SUN5: variants seen among roughly 807,000 people sequenced by gnomAD.
SUN5 encodes the protein SUN domain-containing protein 5.
A neutral mutation model predicts 53.7 loss-of-function variants in SUN5; 44 were observed. That is an observed-to-expected ratio of 0.82 (90% CI 0.64 to 1.05). The LOEUF (loss-of-function observed/expected upper bound fraction) is 1.05, where lower values mean the gene tolerates loss of function less well. Ranked by LOEUF, SUN5 falls within the 50% of genes least tolerant of loss-of-function variation. The probability of loss-of-function intolerance (pLI) is 0.00; values close to 1 mark genes in which losing one functional copy is unlikely to be tolerated. For missense variants in SUN5, 433 were observed against 483.8 expected, an observed-to-expected ratio of 0.90 and a Z score of 0.98; for synonymous variants, 166 against 179.8, an observed-to-expected ratio of 0.92 and a Z score of 0.62.
chr20:32,995,867 T>C (rs990528273), intron 7 of SUN5, 140 bp from the exon 8 acceptor site: 2 of 710,092 alleles, frequency 2.8e-6, no homozygotes, highest in Non-Finnish European at 5.0e-6. Context: ...CTGGACCCAT[T>C]CATCAGGTTA....
intron 6 of SUN5, among the ~76,000 whole-genome samples, chr20:32,997,104 G>A (rs769295003): frequency 4.6e-5 from 7 of 152,132 alleles, no homozygotes; most frequent in Admixed American, 6.5e-5. Context: ...TATTTTAGCC[G>A]GACCTTGATG....
intron 6 of SUN5, 33 bp downstream of exon 6, chr20:32,997,605 C>T: frequency 1.2e-6 from 2 of 1,612,742 alleles, no homozygotes; most frequent in Non-Finnish European, 1.7e-6. Flanking sequence ...TGAGACCTGT[C>T]AGCTGTGGGG....
intron 9 of SUN5, 57 bp downstream of exon 9, chr20:32,989,563 T>C (rs1734262707): frequency 2.0e-6 from 3 of 1,497,204 alleles, no homozygotes; most frequent in Admixed American, 1.7e-5. Context: ...ACCCACCCTG[T>C]GTACAGCTTC....
rs1243020255 is a variant in SUN5, at chr20:33,001,534, C to CT, written c.212-257dup. ...TTCTTTCTTTCTTCTTTCTTTCTTT[C>CT]TTTCTTTCTTTCTTTCTTTCTTTCT... On this transcript the variant is annotated intron_variant, in intron 3 of 12. Transcript: ENST00000356173. 2.2e-5 allele frequency among the ~76,000 whole-genome samples: 3 copies of CT among 134,170 alleles called. No homozygotes were observed. In the East Asian group the frequency reaches 6.1e-4, roughly 27 times the overall value. 88.0% of individuals were successfully genotyped at this position (134,170 alleles called of 152,430 possible).
At position 32,985,764 on chromosome 20, in the gene SUN5, T is replaced by TC; in HGVS notation, c.868dup (p.Asp290GlyfsTer88). The TC allele has an allele frequency of 6.2e-7, 1 of 1,614,048 alleles. No homozygotes were observed. The highest frequency in any genetic ancestry group is 1.1e-5 in the South Asian group (1 of 91,074). ...GATGACGAAGTCCTTGGGGGCGGTG[T>TC]CCAGGCTGCCTGACAATGAGATGGT... On this transcript the variant is annotated frameshift_variant, in exon 11 of 13. Transcript: ENST00000356173. LOFTEE classifies it high-confidence loss of function.
Position 32,989,640 on chromosome 20 carries a change from T to A in SUN5, c.593A>T (p.Asp198Val), listed in dbSNP as rs1276448557. ...MIHGDYIEKP[D>V]FALKSIGASI... The stretch of plus-strand genomic sequence containing the variant: ...CCTACCTATAGACTTCAGGGCAAAG[T>A]CTGGCTTTTCGATGTAATCTCCGTG... The change falls in exon 9 of 13, where the codon GAC (aspartate) becomes GTC (valine). Residue 198 changes from aspartate (D) to valine (V), a missense_variant. By Grantham distance (152) the Asp-to-Val change is radical. Transcript: ENST00000356173. The A allele has an allele frequency of 6.2e-7, 1 of 1,614,016 alleles. No individual in the cohort carries two copies. The highest frequency in any genetic ancestry group is 2.2e-5 in the East Asian group (1 of 44,870).
Position 33,001,363 on chromosome 20 carries a change from G to A in SUN5, c.212-85C>T, listed in dbSNP as rs953855359. On this transcript the variant is annotated intron_variant, in intron 3 of 12. Transcript: ENST00000356173. ...GACCTGCTGACCTTTCTGGGGCTGG[G>A]GGAGGCCCTGGAGCTGGGAGACCCT... 8.2e-6 allele frequency: 12 copies of A among 1,471,768 alleles called. No individual in the cohort carries two copies. The African/African-American group carries it at 1.4e-4, about 17-fold the overall frequency. 91.2% of individuals were successfully genotyped at this position (1,471,768 alleles called of 1,614,324 possible). A position where few individuals can be genotyped will look rare whatever the true frequency, so the allele number is the denominator to read the frequency against.
chr20:33,003,940 C>A (rs1990120555), intron 1 of SUN5, among the ~76,000 whole-genome samples: 1 of 152,180 alleles, frequency 6.6e-6, no homozygotes, highest in South Asian at 2.1e-4. Flanking sequence ...TACTTGTTTC[C>A]TTCTTTCATA....
Position 32,985,770 on chromosome 20 carries a change from C to T in SUN5, c.863G>A (p.Ser288Asn). ...GAAGTCCTTGGGGGCGGTGTCCAGG[C>T]TGCCTGACAATGAGATGGTCTTGGG... ...HIPKTISLSG[S>N]LDTAPKDFVI... The change falls in exon 11 of 13, where the codon AGC becomes AAC. Residue 288 changes from serine (S) to asparagine (N), a missense_variant. Physicochemically the swap from Ser to Asn is conservative, Grantham distance 46. Transcript: ENST00000356173. 3 of 1,614,104 alleles carry T rather than the reference C, an allele frequency of 1.9e-6. No individual in the cohort carries two copies. The highest frequency in any genetic ancestry group is 1.1e-5 in the South Asian group (1 of 91,082).
intron 8 of SUN5, among the ~76,000 whole-genome samples, chr20:32,991,109 C>T (rs530366846): frequency 1.3e-5 from 2 of 152,274 alleles, no homozygotes; most frequent in East Asian, 3.9e-4. Flanking sequence ...AAAACTGGGT[C>T]GCCAACCCTA....
chr20:32,996,726 C>T (rs1434642621), intron 6 of SUN5, among the ~76,000 whole-genome samples: 2 of 152,016 alleles, frequency 1.3e-5, no homozygotes, highest in South Asian at 2.1e-4. Context: ...ACCCACCCAC[C>T]CACTCATCTA....
intron 8 of SUN5, 76 bp from the exon 9 acceptor site, chr20:32,989,774 AAC>A (rs1272547488): frequency 7.9e-7 from 1 of 1,269,950 alleles, no homozygotes. Context: ...CACGGGAGGT[AAC>A]AGGGGGCTGC....
chr20:33,003,601 CA>C (rs1167815495), intron 1 of SUN5, among the ~76,000 whole-genome samples: 2 of 152,106 alleles, frequency 1.3e-5, no homozygotes, highest in Non-Finnish European at 2.9e-5. Flanking sequence ...TTTCTTAAGT[CA>C]AAGGTCTTTA....
intron 5 of SUN5, 44 bp from the exon 6 acceptor site, chr20:32,997,731 A>C: frequency 6.2e-7 from 1 of 1,610,696 alleles, no homozygotes; most frequent in Non-Finnish European, 8.5e-7. Flanking sequence ...AACATGCAAG[A>C]TGAAGAGCCT....
Position 32,996,313 on chromosome 20 carries a change from A to C in SUN5, c.425+11T>G, listed in dbSNP as rs369447736. 4.3e-6 allele frequency: 7 copies of C among 1,612,670 alleles called. No homozygotes were observed. Among genetic ancestry groups the C allele is most frequent in the East Asian group, 4.5e-5 (2 of 44,848 alleles). ...AGGTAATAATATGGTTACCCAGAAG[A>C]TTCCTCTTACCTCAAGCTCTGCAGT... On this transcript the variant is annotated intron_variant, in intron 7 of 12. Coordinates refer to ENST00000356173, the MANE Select transcript of SUN5 (RefSeq NM_080675.4).
chr20:33,001,016 C>T (rs1989990001), intron 4 of SUN5, among the ~76,000 whole-genome samples, 196 bp downstream of exon 4: 1 of 152,082 alleles, frequency 6.6e-6, no homozygotes, highest in Non-Finnish European at 1.5e-5. Flanking sequence ...GATTCCAGGA[C>T]ACTGCAGGCT....
chr20:33,004,135 C>G (rs1007922017), intron 1 of SUN5, 129 bp downstream of exon 1: 1 of 1,022,378 alleles, frequency 9.8e-7, no homozygotes, highest in Non-Finnish European at 1.3e-6. Context: ...ACTGCCAAAC[C>G]TCTCTGGTCT....
At chr20:32,987,638 C>T (rs762533196) in intron 10 of SUN5, 22 bp downstream of exon 10, 1 of 1,570,270 alleles carries the variant, frequency 6.4e-7, no homozygotes. Flanking sequence ...GCCGCTGTCC[C>T]ATCTCCCGCC....
chr20:32,998,588 A>C (rs1234006349), intron 5 of SUN5, among the ~76,000 whole-genome samples: 2 of 152,234 alleles, frequency 1.3e-5, no homozygotes, highest in Non-Finnish European at 2.9e-5. Flanking sequence ...ATCCATGAAG[A>C]GCTCACAGCT....
Sources: gnomAD v4.1 joint callset for allele counts (sites outside exome capture counted in the v4.1 genomes callset) on GRCh38, gnomAD v4.1.1 for gene constraint, MANE v1.5 for transcripts, NCBI Gene and HGNC (gene_info 2026-07-23, HGNC 2026-07-21) for gene names.